The following BBS9 variants were observed in gnomAD, a reference collection of about 807,000 sequenced individuals.
The protein encoded by BBS9 is protein PTHB1.
A neutral mutation model predicts 117.7 loss-of-function variants in BBS9; 89 were observed. The ratio of observed to expected loss-of-function variants is 0.76; its 90% CI spans 0.64 to 0.90. The LOEUF is 0.90. Among genes scored for constraint, BBS9 ranks in the 40% least tolerant of loss-of-function variants. The probability of loss-of-function intolerance (pLI) is 0.00; values close to 1 mark genes in which losing one functional copy is unlikely to be tolerated. For synonymous variants in BBS9, 379 were observed against 370.9 expected (o/e 1.02, Z -0.25); for missense variants, 982 against 1,042.2 (o/e 0.94, Z 0.80).
At chr7:33,559,406 T>G (rs1168343908) in intron 21 of BBS9, among the ~76,000 whole-genome samples, 3 of 152,164 alleles carry the variant, frequency 2.0e-5, no homozygotes, top group Non-Finnish European at 4.4e-5. Flanking sequence ...ATTTTTTTTC[T>G]TTAAGAAATA....
At chr7:33,402,820 GTAGT>G (rs1164215664) in intron 19 of BBS9, among the ~76,000 whole-genome samples, 1 of 152,076 alleles carries the variant, frequency 6.6e-6, no homozygotes, top group Non-Finnish European at 1.5e-5. Flanking sequence ...TACCCGAGAG[GTAGT>G]TTTTCAACTC....
chr7:33,543,805 G>A (rs1447036146), intron 21 of BBS9, among the ~76,000 whole-genome samples: 3 of 152,154 alleles, frequency 2.0e-5, no homozygotes, highest in Non-Finnish European at 4.4e-5. Flanking sequence ...CAGGCTTTTA[G>A]AATTCTCTTC....
intron 5 of BBS9, among the ~76,000 whole-genome samples, chr7:33,240,783 T>TA (rs544102718): frequency 1.3e-5 from 2 of 152,208 alleles, no homozygotes; most frequent in Non-Finnish European, 2.9e-5. Flanking sequence ...TGTCTTTCAG[T>TA]AAAAAAATTT....
chr7:33,322,470 A>G (rs1811940294), intron 9 of BBS9, among the ~76,000 whole-genome samples: 1 of 139,578 alleles, frequency 7.2e-6, no homozygotes, highest in South Asian at 2.2e-4. Flanking sequence ...ATCTTGGTAT[A>G]TTTGTATGTG....
At chr7:33,490,029 C>A (rs1843685289) in intron 19 of BBS9, among the ~76,000 whole-genome samples, 3 of 152,130 alleles carry the variant, frequency 2.0e-5, no homozygotes, top group Admixed American at 2.0e-4. Context: ...TAAATGGATT[C>A]TATTAGAGGA....
chr7:33,551,962 G>GTTAA (rs1854495790), intron 21 of BBS9, among the ~76,000 whole-genome samples: 1 of 151,902 alleles, frequency 6.6e-6, no homozygotes, highest in African/African-American at 2.4e-5. Context: ...TAATATTATT[G>GTTAA]GAGTACCACA....
chr7:33,385,102 A>C (rs923685958), intron 18 of BBS9, among the ~76,000 whole-genome samples: 1 of 152,174 alleles, frequency 6.6e-6, no homozygotes, highest in African/African-American at 2.4e-5. Flanking sequence ...CCATGGAAAG[A>C]CTATACCAAT....
intron 19 of BBS9, among the ~76,000 whole-genome samples, chr7:33,486,932 C>G (rs1459509610): frequency 1.3e-5 from 2 of 152,186 alleles, no homozygotes; most frequent in Non-Finnish European, 2.9e-5. Flanking sequence ...TTCATAAGCA[C>G]AAGTTGAATT....
chr7:33,354,229 G>A (rs1255761521), intron 15 of BBS9, among the ~76,000 whole-genome samples: 1 of 152,092 alleles, frequency 6.6e-6, no homozygotes, highest in Non-Finnish European at 1.5e-5. Flanking sequence ...CACCTAGTAG[G>A]CAAGAAAATA....
At chr7:33,614,614 G>T (rs1045817032) in intron 21 of BBS9, among the ~76,000 whole-genome samples, 8 of 152,028 alleles carry the variant, frequency 5.3e-5, no homozygotes, top group African/African-American at 1.9e-4. Flanking sequence ...CCCATGAGCA[G>T]AAACCTCTAT....
At chr7:33,623,130 A>G (rs1562539579) in intron 21 of BBS9, among the ~76,000 whole-genome samples, 1 of 152,218 alleles carries the variant, frequency 6.6e-6, no homozygotes, top group Non-Finnish European at 1.5e-5. Context: ...AAAGTGGAAG[A>G]AAATATTTCC....
At chr7:33,625,329 GGC>G (rs1419579935) in intron 21 of BBS9, among the ~76,000 whole-genome samples, 1 of 152,012 alleles carries the variant, frequency 6.6e-6, no homozygotes, top group Non-Finnish European at 1.5e-5. Flanking sequence ...CTATGTTCCA[GGC>G]CCTGAATTCT....
intron 5 of BBS9, among the ~76,000 whole-genome samples, chr7:33,245,804 T>C (rs535889574): frequency 6.6e-5 from 10 of 152,132 alleles, no homozygotes; most frequent in South Asian, 2.1e-4. Flanking sequence ...AGCTAGATAA[T>C]GAAAAGAAAA....
At chr7:33,317,872 C>G (rs74790296) in intron 9 of BBS9, among the ~76,000 whole-genome samples, 7 of 152,046 alleles carry the variant, frequency 4.6e-5, no homozygotes, top group Non-Finnish European at 2.9e-5. Flanking sequence ...GCCAACCTGG[C>G]GAAACCCCGT....
intron 21 of BBS9, among the ~76,000 whole-genome samples, chr7:33,561,026 A>AG (rs1194683885): frequency 1.3e-5 from 2 of 152,060 alleles, no homozygotes; most frequent in Non-Finnish European, 2.9e-5. Flanking sequence ...TCCTTATGCT[A>AG]CTTCTTGGAG....
chr7:33,585,380 A>G (rs2129168595), intron 21 of BBS9, among the ~76,000 whole-genome samples: 1 of 152,218 alleles, frequency 6.6e-6, no homozygotes, highest in South Asian at 2.1e-4. Flanking sequence ...TTGGACAGTA[A>G]TTCACAACTG....
intron 20 of BBS9, among the ~76,000 whole-genome samples, chr7:33,519,542 A>G (rs1172649322): frequency 5.9e-5 from 9 of 151,742 alleles, no homozygotes; most frequent in Admixed American, 4.6e-4. Context: ...GGACTCTTGT[A>G]AAAGTTTCGC....
At chr7:33,587,381 GCT>G (rs1330015047) in intron 21 of BBS9, among the ~76,000 whole-genome samples, 1 of 152,030 alleles carries the variant, frequency 6.6e-6, no homozygotes, top group Non-Finnish European at 1.5e-5. Flanking sequence ...ACCAGAGAGA[GCT>G]CTCTCTTCTG....
At chr7:33,271,751 A>G (rs1799836745) in intron 7 of BBS9, among the ~76,000 whole-genome samples, 2 of 152,152 alleles carry the variant, frequency 1.3e-5, no homozygotes, top group Admixed American at 6.6e-5. Flanking sequence ...CTGCCACACA[A>G]TAATAGTGGG....
Sources: gnomAD v4.1 joint callset for allele counts (sites outside exome capture counted in the v4.1 genomes callset) on GRCh38, gnomAD v4.1.1 for gene constraint, MANE v1.5 for transcripts, NCBI Gene and HGNC (gene_info 2026-07-23, HGNC 2026-07-21) for gene names.